ASCC3: variants seen among roughly 807,000 people sequenced by gnomAD.
The protein encoded by ASCC3 is activating signal cointegrator 1 complex subunit 3.
A neutral mutation model predicts 256.3 loss-of-function variants in ASCC3; 158 were observed. The ratio of observed to expected loss-of-function variants is 0.62; its 90% confidence interval spans 0.54 to 0.70. The LOEUF (loss-of-function observed/expected upper bound fraction) is 0.70, where lower values mean the gene tolerates loss of function less well. Among genes scored for constraint, ASCC3 ranks in the 30% least tolerant of loss-of-function variants. The pLI is 0.00. For missense variants in ASCC3, 2,259 were observed against 2,626.0 expected (o/e 0.86, Z 3.05); for synonymous variants, 948 against 883.4 (o/e 1.07, Z -1.30).
intron 8 of ASCC3, among the ~76,000 whole-genome samples, chr6:100,770,710 C>G (rs114640280): frequency 6.6e-6 from 1 of 151,810 alleles, no homozygotes; most frequent in Non-Finnish European, 1.5e-5. Context: ...TATCTGAAAG[C>G]AATTTTTTTA....
chr6:100,856,560 G>T, intron 3 of ASCC3: 2 of 414,396 alleles, frequency 4.8e-6, no homozygotes, highest in Non-Finnish European at 6.5e-6. Flanking sequence ...ACACACCTGT[G>T]TAATCTGGTT....
At chr6:100,785,387 T>C (rs759291798) in intron 8 of ASCC3, among the ~76,000 whole-genome samples, 21 of 152,138 alleles carry the variant, frequency 1.4e-4, no homozygotes, top group Non-Finnish European at 2.5e-4. Flanking sequence ...ATTTACACCA[T>C]CCATTCACTC....
At chr6:100,618,349 G>A (rs967216070) in intron 30 of ASCC3, among the ~76,000 whole-genome samples, 7 of 152,152 alleles carry the variant, frequency 4.6e-5, no homozygotes, top group African/African-American at 7.2e-5. Flanking sequence ...GGACAGAAAG[G>A]CACAAGTTTT....
At chr6:100,747,337 G>A (rs113039522) in intron 10 of ASCC3, among the ~76,000 whole-genome samples, 1,665 of 152,020 alleles carry the variant, frequency 0.011, 14 homozygotes, top group Non-Finnish European at 0.018. Context: ...AATACAGTTC[G>A]GTAGTTTCTC....
chr6:100,579,700 T>C (rs370231024), intron 36 of ASCC3, among the ~76,000 whole-genome samples: 36 of 152,312 alleles, frequency 2.4e-4, no homozygotes, highest in Middle Eastern at 3.4e-3. Context: ...TCTGTTTTTC[T>C]GCTAGCACCA....
At chr6:100,628,112 AGCTAAAGCTAG>A in intron 27 of ASCC3, 125 bp from the exon 28 acceptor site, 2 of 1,025,288 alleles carry the variant, frequency 2.0e-6, no homozygotes, top group Non-Finnish European at 1.4e-6. Flanking sequence ...ACAAAAAAAA[AGCTAAAGCTAG>A]AACTACCAAA....
chr6:100,533,370 T>G (rs143886059), intron 37 of ASCC3, among the ~76,000 whole-genome samples: 190 of 152,304 alleles, frequency 1.2e-3, no homozygotes, highest in African/African-American at 4.5e-3. Context: ...TAAACAAAAC[T>G]TTTACTAGGG....
At chr6:100,663,414 C>T (rs905183812) in intron 14 of ASCC3, among the ~76,000 whole-genome samples, 3 of 152,062 alleles carry the variant, frequency 2.0e-5, no homozygotes, top group African/African-American at 7.2e-5. Flanking sequence ...GAAAATGAAT[C>T]GTCCCTTTGT....
At chr6:100,851,559 G>A (rs1018076117) in intron 3 of ASCC3, among the ~76,000 whole-genome samples, 1 of 152,140 alleles carries the variant, frequency 6.6e-6, no homozygotes, top group African/African-American at 2.4e-5. Context: ...TTTTTGGAGT[G>A]TCAAATTTTT....
At chr6:100,667,195 G>A (rs991721929) in intron 14 of ASCC3, among the ~76,000 whole-genome samples, 6 of 152,148 alleles carry the variant, frequency 3.9e-5, no homozygotes, top group Non-Finnish European at 7.4e-5. Flanking sequence ...TCAGTGATCT[G>A]ATAGTTTGAT....
chr6:100,708,669 C>T (rs1778721801), intron 13 of ASCC3, among the ~76,000 whole-genome samples: 2 of 151,996 alleles, frequency 1.3e-5, no homozygotes, highest in Admixed American at 1.3e-4. Context: ...ACAGGACACA[C>T]CCTCCATCCC....
intron 36 of ASCC3, among the ~76,000 whole-genome samples, chr6:100,570,788 T>C (rs1056388979): frequency 6.6e-6 from 1 of 152,176 alleles, no homozygotes; most frequent in Non-Finnish European, 1.5e-5. Context: ...CAATTAATGG[T>C]ATTCTCTCTC....
rs761419656 is a variant in ASCC3, at chr6:100,752,568, T to C, written c.1737+13997A>G. Among the ~76,000 whole-genome samples the C allele has an allele frequency of 7.9e-5, 12 of 152,288 alleles. No homozygotes were observed. In the Middle Eastern group the frequency reaches 0.024, roughly 302 times the overall value. On this transcript the variant is annotated intron_variant, in intron 10 of 41. Transcript: ENST00000369162. ...TATTTAAGAAGTTACTTTGTCATCCTATGTGCTCAGATTCAAAACTGCCTG... is the reference window on the plus strand; with the variant it reads ...TATTTAAGAAGTTACTTTGTCATCCCATGTGCTCAGATTCAAAACTGCCTG...
Position 100,608,160 on chromosome 6 carries a change from T to TATGTATATATATGTA in ASCC3, c.4786-1073_4786-1072insTACATATATATACAT, listed in dbSNP as rs1582549578. Among the ~76,000 whole-genome samples the TATGTATATATATGTA allele has an allele frequency of 6.5e-4, 10 of 15,360 alleles. 2 individuals are homozygous for TATGTATATATATGTA. The highest frequency in any genetic ancestry group is 1.8e-3 in the Admixed American group (2 of 1,120). The allele number at this position is 15,360 out of a possible 152,430, so 10.1% of individuals were successfully genotyped here. Reference sequence around the variant, plus strand: ...TGTATATATATCTATATATACATATTTATATACATATTTATATATGTGTGT... The same window carrying TATGTATATATATGTA: ...TGTATATATATCTATATATACATATTATGTATATATATGTATATATACATATTTATATATGTGTGT... On this transcript the variant is annotated intron_variant, in intron 30 of 41. Coordinates refer to ENST00000369162, the MANE Select transcript of ASCC3 (RefSeq NM_006828.4).
chr6:100,509,682 C>T (rs1181748668), intron 41 of ASCC3, 149 bp from the exon 42 acceptor site: 11 of 864,092 alleles, frequency 1.3e-5, no homozygotes, highest in Non-Finnish European at 2.0e-5. Context: ...GGGCGGATCA[C>T]GAGGTCAGGA....
chr6:100,723,918 CA>C (rs1779490475), intron 11 of ASCC3, among the ~76,000 whole-genome samples: 2 of 133,422 alleles, frequency 1.5e-5, no homozygotes, highest in South Asian at 4.7e-4. Flanking sequence ...ATATATGACA[CA>C]TATATATAAT....
At chr6:100,843,988 C>T (rs1014528676) in intron 4 of ASCC3, among the ~76,000 whole-genome samples, 4 of 151,458 alleles carry the variant, frequency 2.6e-5, no homozygotes, top group Non-Finnish European at 4.4e-5. Context: ...CACAGCAACA[C>T]TGTGAAGCAA....
At chr6:100,647,530 A>G (rs1202387081) in intron 20 of ASCC3, 79 bp from the exon 21 acceptor site, 2 of 1,298,630 alleles carry the variant, frequency 1.5e-6, no homozygotes, top group Non-Finnish European at 2.2e-6. Flanking sequence ...ATTCAAACTC[A>G]GTCTGAAAAG....
chr6:100,718,398 G>T, intron 11 of ASCC3, 147 bp from the exon 12 acceptor site: 1 of 610,316 alleles, frequency 1.6e-6, no homozygotes, highest in South Asian at 2.4e-5. Flanking sequence ...GTCAGACATT[G>T]TAGCCCATAA....
Sources: gnomAD v4.1 joint callset for allele counts (sites outside exome capture counted in the v4.1 genomes callset) on GRCh38, gnomAD v4.1.1 for gene constraint, MANE v1.5 for transcripts, NCBI Gene and HGNC (gene_info 2026-07-23, HGNC 2026-07-21) for gene names.